TCL1B: variants seen among roughly 807,000 people sequenced by gnomAD.
The protein encoded by TCL1B is T-cell leukemia/lymphoma protein 1B.
Under a neutral mutation model 16.9 loss-of-function variants are expected in TCL1B, and 14 were observed. That is an observed-to-expected ratio of 0.83 (90% CI 0.55 to 1.30). The LOEUF (loss-of-function observed/expected upper bound fraction) is 1.30, where lower values mean the gene tolerates loss of function less well. TCL1B is among the 50% of genes most tolerant of loss of function. TCL1B has a pLI of 0.00. For synonymous variants in TCL1B, 79 were observed against 66.6 expected (o/e 1.19, Z -0.91); for missense variants, 166 against 165.2 (o/e 1.00, Z -0.03).
At chr14:95,691,791 G>A (rs1470199846) in intron 3 of TCL1B, 140 bp from the exon 4 acceptor site, 2 of 155,952 alleles carry the variant, frequency 1.3e-5, no homozygotes, top group African/African-American at 2.4e-5. Context: ...CCTCTCAGAT[G>A]GGCAGCAGCT....
intron 1 of TCL1B, among the ~76,000 whole-genome samples, chr14:95,689,023 A>G (rs919472586): frequency 6.6e-6 from 1 of 151,882 alleles, no homozygotes; most frequent in Non-Finnish European, 1.5e-5. Flanking sequence ...GCGGTGGCTC[A>G]CGCCTGTAAT....
At chr14:95,686,715 G>T in intron 1 of TCL1B, 86 bp downstream of exon 1, 1 of 1,444,056 alleles carries the variant, frequency 6.9e-7, no homozygotes, top group Non-Finnish European at 9.2e-7. Flanking sequence ...GTCAGAGGGG[G>T]CCGTTCTCAC....
At chr14:95,691,050 T>C in intron 2 of TCL1B, 144 bp downstream of exon 2, 2 of 1,128,142 alleles carry the variant, frequency 1.8e-6, no homozygotes, top group Non-Finnish European at 2.5e-6. Context: ...GAGGCCTGAG[T>C]GTGTGTGGGT....
chr14:95,691,411 C>A (rs559402715), intron 3 of TCL1B, 75 bp downstream of exon 3: 24 of 1,395,850 alleles, frequency 1.7e-5, no homozygotes, highest in Non-Finnish European at 2.4e-5. Flanking sequence ...TTCAGAAAGA[C>A]GGCGTGGCCT....
intron 1 of TCL1B, among the ~76,000 whole-genome samples, chr14:95,687,140 G>A (rs1310877086): frequency 6.6e-6 from 1 of 152,206 alleles, no homozygotes; most frequent in Non-Finnish European, 1.5e-5. Flanking sequence ...CACATACATG[G>A]CTCACCGCCT....
chr14:95,691,052 T>C (rs1885875304), intron 2 of TCL1B, 146 bp downstream of exon 2: 4 of 1,136,960 alleles, frequency 3.5e-6, no homozygotes, highest in Non-Finnish European at 5.0e-6. Context: ...GGCCTGAGTG[T>C]GTGTGGGTGG....
rs1328183395 is a variant in TCL1B, at chr14:95,692,162, G to C, written c.*247G>C. ...CCTGGATGGGCTTCACTGGGGCCCT[G>C]TCTGTGTGCTGAGCCAGTTTCCCCT... On this transcript the variant is annotated 3_prime_UTR_variant, in exon 4 of 4. Coordinates refer to ENST00000340722, the MANE Select transcript of TCL1B (RefSeq NM_004918.4). 1 of 153,150 alleles carries C rather than the reference G, an allele frequency of 6.5e-6. No homozygotes were observed. The highest frequency in any genetic ancestry group is 6.5e-5 in the Admixed American group (1 of 15,292). 9.5% of individuals were successfully genotyped at this position (153,150 alleles called of 1,614,324 possible).
At chr14:95,690,608 G>A (rs980956442) in intron 1 of TCL1B, 128 bp from the exon 2 acceptor site, 2 of 1,110,098 alleles carry the variant, frequency 1.8e-6, no homozygotes, top group African/African-American at 3.1e-5. Flanking sequence ...CCAGTGCCAA[G>A]GCTCTTGGTC....
rs1156309891 is a variant in TCL1B at position 95,686,563 on chromosome 14, G to A, written c.96G>A (p.Trp32Ter). The change falls in exon 1 of 4, where the codon TGG becomes TGA. Residue 32 changes from tryptophan (W) to a stop codon, truncating the protein, a stop_gained. Coordinates refer to ENST00000340722, the MANE Select transcript of TCL1B (RefSeq NM_004918.4). LOFTEE classifies it high-confidence loss of function. ...ACGAAGATGAGGAGGGGAGAACCTG[G>A]GTGACTGTGGTCGTGCGGTTCAATC... ...GIYEDEEGRT[W>*]VTVVVRFNPS... 6.2e-7 allele frequency: 1 copy of A among 1,613,954 alleles called. No homozygotes were observed. Among genetic ancestry groups the A allele is most frequent in the South Asian group, 1.1e-5 (1 of 91,078 alleles).
At chr14:95,688,907 T>G (rs1380819356) in intron 1 of TCL1B, among the ~76,000 whole-genome samples, 1 of 152,180 alleles carries the variant, frequency 6.6e-6, no homozygotes, top group Non-Finnish European at 1.5e-5. Flanking sequence ...GTACGGAGTC[T>G]CAGTTTGGGA....
intron 1 of TCL1B, 69 bp from the exon 2 acceptor site, chr14:95,690,667 T>C (rs1324726633): frequency 5.2e-6 from 8 of 1,532,122 alleles, no homozygotes; most frequent in Non-Finnish European, 5.3e-6. Flanking sequence ...CACTGGCCAT[T>C]GCTTGTGTGC....
intron 1 of TCL1B, among the ~76,000 whole-genome samples, chr14:95,687,288 A>T (rs941315533): frequency 2.6e-5 from 4 of 152,172 alleles, no homozygotes; most frequent in Non-Finnish European, 4.4e-5. Flanking sequence ...GCTGTAGATG[A>T]GGGCTTTAGA....
chr14:95,688,744 A>G (rs1885813704), intron 1 of TCL1B, among the ~76,000 whole-genome samples: 1 of 152,244 alleles, frequency 6.6e-6, no homozygotes, highest in Non-Finnish European at 1.5e-5. Flanking sequence ...CACACGGATG[A>G]AACTTGGAGC....
chr14:95,690,754 G>A lies in TCL1B; in HGVS notation c.181G>A (p.Val61Met). ...QGSRYEPSIT[V>M]HLWQMAVHTR... is the part of the protein sequence containing the mutation. ...CCTTCAGTATGAACCCAGCATCACA[G>A]TGCACTTGTGGCAGATGGCAGTGCA... Residue 61 changes from valine to methionine, a missense_variant, in exon 2 of 4, where the codon GTG (valine) becomes ATG (methionine). Transcript: ENST00000340722. 1.9e-6 allele frequency: 3 copies of A among 1,613,884 alleles called. No homozygotes were observed. Among genetic ancestry groups the A allele is most frequent in the Non-Finnish European group, 2.5e-6 (3 of 1,179,774 alleles).
In TCL1B at chr14:95,690,781, A is replaced by G; in HGVS notation, c.208A>G (p.Thr70Ala). The G allele has an allele frequency of 6.2e-7, 1 of 1,614,104 alleles. No individual in the cohort carries two copies. The highest frequency in any genetic ancestry group is 8.5e-7 in the Non-Finnish European group (1 of 1,180,018). Residue 70 changes from threonine to alanine, a missense_variant, in exon 2 of 4, where the codon ACC becomes GCC. Thr to Ala is a moderately conservative substitution (Grantham distance 58, BLOSUM62 0). Transcript: ENST00000340722. ...GCACTTGTGGCAGATGGCAGTGCAT[A>G]CCCGGGAGCTACTCTCCTCCGGCCA... is the stretch of plus-strand genomic sequence containing the variant. ...TVHLWQMAVH[T>A]RELLSSGQMP...
intron 1 of TCL1B, among the ~76,000 whole-genome samples, chr14:95,687,549 C>CCA (rs1885787890): frequency 6.6e-6 from 1 of 152,100 alleles, no homozygotes; most frequent in African/African-American, 2.4e-5. Context: ...CTTTTTTTCC[C>CCA]AAAATATTTT....
chr14:95,686,611 G>A lies in TCL1B; in HGVS notation c.144G>A (p.Arg48=). 6.2e-7 allele frequency: 1 copy of A among 1,609,698 alleles called. No individual in the cohort carries two copies. Among genetic ancestry groups the A allele is most frequent in the South Asian group, 1.1e-5 (1 of 90,452 alleles). Reference sequence around the variant, plus strand: ...ATCCCTCGCGTAGGGAATGGGCCAGGGCCTCCCAGGGCAGCAGAGTGAGTC... The same window carrying A: ...ATCCCTCGCGTAGGGAATGGGCCAGAGCCTCCCAGGGCAGCAGAGTGAGTC... The part of the protein sequence containing the change: ...RFNPSRREWA[R]ASQGSRYEPS... Residue 48 remains arginine (R), a synonymous_variant, in exon 1 of 4, where the codon AGG becomes AGA. Coordinates refer to ENST00000340722, the MANE Select transcript of TCL1B (RefSeq NM_004918.4).
intron 3 of TCL1B, 30 bp downstream of exon 3, chr14:95,691,366 A>G: frequency 6.2e-7 from 1 of 1,602,124 alleles, no homozygotes; most frequent in Non-Finnish European, 8.5e-7. Context: ...GTCTCAGTGT[A>G]GGGATCAGAC....
At chr14:95,690,321 T>A (rs75573726) in intron 1 of TCL1B, among the ~76,000 whole-genome samples, 2,028 of 152,300 alleles carry the variant, frequency 0.013, 41 homozygotes, top group African/African-American at 0.047. Flanking sequence ...ATATTTACTA[T>A]AAGTGTGTGA....
Sources: allele counts gnomAD v4.1 joint callset (sites outside exome capture counted in the v4.1 genomes callset), GRCh38; gene constraint gnomAD v4.1.1; transcripts MANE v1.5; gene names NCBI Gene and HGNC (gene_info 2026-07-23, HGNC 2026-07-21).